Variants in PCCA observed in about 807,000 individuals in gnomAD.
The protein encoded by PCCA is propionyl-CoA carboxylase subunit alpha, also known as propionyl-CoA carboxylase alpha chain, mitochondrial.
A neutral mutation model predicts 101.3 loss-of-function variants in PCCA; 74 were observed. The observed-to-expected ratio is 0.73, with a 90% CI of 0.61 to 0.89. PCCA has a LOEUF of 0.89. Ranked by LOEUF, PCCA falls within the 40% of genes least tolerant of loss-of-function variation. PCCA has a pLI of 0.00. For missense variants in PCCA, 891 were observed against 907.0 expected (o/e 0.98, Z 0.23); for synonymous variants, 294 against 313.6 (o/e 0.94, Z 0.66).
chr13:100,257,351 G>A (rs1275679731), intron 8 of PCCA, among the ~76,000 whole-genome samples: 1 of 148,260 alleles, frequency 6.7e-6, no homozygotes, highest in Non-Finnish European at 1.5e-5. Context: ...TTATTACTGG[G>A]GAAAGTGTTA....
chr13:100,133,238 T>C (rs1370388981), intron 4 of PCCA, among the ~76,000 whole-genome samples: 1 of 152,242 alleles, frequency 6.6e-6, no homozygotes, highest in South Asian at 2.1e-4. Context: ...TTAATTCATT[T>C]GTTTGTTTGT....
At position 100,174,548 on chromosome 13, in the gene PCCA, C is replaced by T. The variant is rs990688990; in HGVS notation, c.468+17208C>T. On this transcript the variant is annotated intron_variant, in intron 6 of 23. Transcript: ENST00000376285. ...TTCAAGATCAGCCTGGCCAACATGG[C>T]GAAACCCCGTCCCTACTAAAAACAC... 8.4e-4 allele frequency among the ~76,000 whole-genome samples: 125 copies of T among 148,962 alleles called. 1 individual carries two copies. Among genetic ancestry groups the T allele is most frequent in the Non-Finnish European group, 2.8e-4 (19 of 67,352 alleles).
At chr13:100,092,819 G>C (rs1169207520) in intron 1 of PCCA, among the ~76,000 whole-genome samples, 1 of 152,170 alleles carries the variant, frequency 6.6e-6, no homozygotes, top group Admixed American at 6.5e-5. Context: ...AGAATTGCCT[G>C]GAGGTTAATG....
intron 6 of PCCA, among the ~76,000 whole-genome samples, chr13:100,167,973 C>T (rs932810932): frequency 1.3e-5 from 2 of 152,274 alleles, no homozygotes; most frequent in Admixed American, 6.5e-5. Context: ...CACCCCCTTT[C>T]ATTTACTCCC....
intron 6 of PCCA, among the ~76,000 whole-genome samples, chr13:100,192,801 C>T (rs1352403284): frequency 2.0e-5 from 3 of 152,148 alleles, no homozygotes; most frequent in Non-Finnish European, 4.4e-5. Context: ...GTCCTTTTCC[C>T]CCTCAAATGC....
At position 100,403,273 on chromosome 13, in the gene PCCA, T is replaced by C. The variant is rs141649517; in HGVS notation, c.1747-22360T>C. 5.3e-3 allele frequency among the ~76,000 whole-genome samples: 813 copies of C among 152,104 alleles called. 4 individuals carry two copies. The highest frequency in any genetic ancestry group is 0.018 in the African/African-American group (755 of 41,492). On this transcript the variant is annotated intron_variant, in intron 19 of 23. Transcript: ENST00000376285. ...AGAGATGTCAGGTAATAGTTGGGGG[T>C]TGGGAAGGGCCAAACAAACAACACT...
chr13:100,136,995 T>C (rs902903382), intron 4 of PCCA, among the ~76,000 whole-genome samples: 2 of 152,046 alleles, frequency 1.3e-5, no homozygotes, highest in African/African-American at 2.4e-5. Flanking sequence ...ATTTGAGATA[T>C]ATCTTCTTAT....
chr13:100,349,290 AT>A (rs34223246), intron 18 of PCCA, among the ~76,000 whole-genome samples: 2 of 151,552 alleles, frequency 1.3e-5, no homozygotes, highest in African/African-American at 2.4e-5. Context: ...TGCCTGGCTA[AT>A]TTTTTTTGTA....
intron 12 of PCCA, among the ~76,000 whole-genome samples, chr13:100,279,015 A>G (rs996165468): frequency 1.3e-5 from 2 of 152,170 alleles, no homozygotes; most frequent in African/African-American, 4.8e-5. Flanking sequence ...ATAGAATGTC[A>G]TGTCCATGTT....
At chr13:100,275,745 A>G (rs1404121768) in intron 12 of PCCA, among the ~76,000 whole-genome samples, 1 of 151,818 alleles carries the variant, frequency 6.6e-6, no homozygotes, top group Non-Finnish European at 1.5e-5. Flanking sequence ...TGGGGGTTAT[A>G]AATACTGCTG....
intron 5 of PCCA, among the ~76,000 whole-genome samples, chr13:100,155,521 C>T (rs1023350396): frequency 6.6e-6 from 1 of 152,138 alleles, no homozygotes; most frequent in African/African-American, 2.4e-5. Flanking sequence ...GAAATAAAAA[C>T]AGCACATTTG....
intron 21 of PCCA, among the ~76,000 whole-genome samples, chr13:100,510,772 G>A (rs2086422202): frequency 6.6e-6 from 1 of 152,236 alleles, no homozygotes; most frequent in Non-Finnish European, 1.5e-5. Flanking sequence ...TGGATTAAAT[G>A]ATGCATCCTG....
chr13:100,225,567 A>G (rs1183821752), intron 7 of PCCA, among the ~76,000 whole-genome samples: 6 of 152,224 alleles, frequency 3.9e-5, no homozygotes, highest in African/African-American at 1.4e-4. Context: ...GAAGGAAATC[A>G]TTTAAAAAAG....
At chr13:100,162,805 C>T (rs188521387) in intron 6 of PCCA, among the ~76,000 whole-genome samples, 57 of 152,178 alleles carry the variant, frequency 3.7e-4, no homozygotes, top group African/African-American at 1.3e-3. Context: ...AATAAAGTCT[C>T]CCTGGATTTG....
At chr13:100,179,731 GTGTGTGTGTGTGTT>G (rs1458301592) in intron 6 of PCCA, among the ~76,000 whole-genome samples, 8 of 92,254 alleles carry the variant, frequency 8.7e-5, no homozygotes, top group South Asian at 1.5e-3. Flanking sequence ...TTTCCTGTCT[GTGTGTGTGTGTGTT>G]TGTGTGTGTG....
At chr13:100,397,498 A>C (rs1301259939) in intron 19 of PCCA, among the ~76,000 whole-genome samples, 2 of 151,888 alleles carry the variant, frequency 1.3e-5, no homozygotes, top group Non-Finnish European at 1.5e-5. Context: ...GGGGAAAAAA[A>C]CCCAAAGAGC....
At chr13:100,506,325 A>AG (rs1566476642) in intron 21 of PCCA, among the ~76,000 whole-genome samples, 1 of 134,038 alleles carries the variant, frequency 7.5e-6, no homozygotes. Flanking sequence ...ATTCTTAGGC[A>AG]ACCCCCCTAC....
chr13:100,410,696 A>T (rs1473105082), intron 19 of PCCA, among the ~76,000 whole-genome samples: 1 of 152,152 alleles, frequency 6.6e-6, no homozygotes, highest in Non-Finnish European at 1.5e-5. Context: ...TATTTTTTTT[A>T]AAGTTTGTTG....
chr13:100,123,600 A>G (rs990866690), intron 4 of PCCA, among the ~76,000 whole-genome samples: 4 of 150,770 alleles, frequency 2.7e-5, no homozygotes, highest in Non-Finnish European at 4.4e-5. Flanking sequence ...TTTTCTGTAC[A>G]TTTTCTATTA....
Sources: gnomAD v4.1 joint callset for allele counts (sites outside exome capture counted in the v4.1 genomes callset) on GRCh38, gnomAD v4.1.1 for gene constraint, MANE v1.5 for transcripts, NCBI Gene and HGNC (gene_info 2026-07-23, HGNC 2026-07-21) for gene names.